Variants in SNTG2 observed in about 807,000 individuals in gnomAD.
The protein encoded by SNTG2 is gamma-2-syntrophin.
In SNTG2, 74 loss-of-function variants were observed where a neutral mutation model predicts 70.9. That is an observed-to-expected ratio of 1.04 (90% CI 0.86 to 1.27). SNTG2 has a LOEUF of 1.27. SNTG2 is among the 50% of genes most tolerant of loss of function. SNTG2 has a pLI of 0.00. For synonymous variants in SNTG2, 278 were observed against 273.8 expected (o/e 1.02, Z -0.15); for missense variants, 717 against 690.7 (o/e 1.04, Z -0.43).
At chr2:1,082,564 G>A (rs1399146509) in intron 1 of SNTG2, among the ~76,000 whole-genome samples, 1 of 152,214 alleles carries the variant, frequency 6.6e-6, no homozygotes, top group Non-Finnish European at 1.5e-5. Flanking sequence ...TGGAGTCTCA[G>A]CCCTCCTTGC....
At chr2:1,218,642 T>C (rs1674553879) in intron 9 of SNTG2, among the ~76,000 whole-genome samples, 1 of 152,190 alleles carries the variant, frequency 6.6e-6, no homozygotes, top group African/African-American at 2.4e-5. Flanking sequence ...CACAATCATT[T>C]TGCAAGTGAG....
At chr2:1,084,628 G>A (rs549826782) in intron 2 of SNTG2, among the ~76,000 whole-genome samples, 39 of 152,292 alleles carry the variant, frequency 2.6e-4, no homozygotes, top group Admixed American at 1.3e-3. Flanking sequence ...ATCTGTCTTC[G>A]TCTGTTTGAG....
intron 16 of SNTG2, among the ~76,000 whole-genome samples, chr2:1,350,842 G>T (rs1319084406): frequency 6.6e-6 from 1 of 152,052 alleles, no homozygotes; most frequent in East Asian, 1.9e-4. Flanking sequence ...GAAAGCAAAT[G>T]ATATTTTGAG....
chr2:1,339,873 C>T (rs950055438), intron 16 of SNTG2, among the ~76,000 whole-genome samples: 7 of 152,202 alleles, frequency 4.6e-5, no homozygotes, highest in Admixed American at 1.3e-4. Context: ...CCTATGCTAA[C>T]GACCAAATGA....
chr2:968,947 C>T (rs1471673432), intron 1 of SNTG2, among the ~76,000 whole-genome samples: 3 of 151,968 alleles, frequency 2.0e-5, no homozygotes, highest in Non-Finnish European at 4.4e-5. Context: ...CTTTGCCACT[C>T]CCTATGTCCA....
At chr2:1,273,336 A>G (rs1466707985) in intron 14 of SNTG2, among the ~76,000 whole-genome samples, 1 of 152,106 alleles carries the variant, frequency 6.6e-6, no homozygotes, top group Non-Finnish European at 1.5e-5. Flanking sequence ...CTTTTTGTTT[A>G]TAAAGACTCC....
intron 1 of SNTG2, among the ~76,000 whole-genome samples, chr2:971,311 T>TTA (rs398103957): frequency 6.6e-6 from 1 of 152,158 alleles, no homozygotes; most frequent in Non-Finnish European, 1.5e-5. Context: ...TTTGTTTTTT[T>TTA]ATCACTGATT....
At chr2:1,111,836 A>G (rs1052957674) in intron 4 of SNTG2, among the ~76,000 whole-genome samples, 17 of 147,598 alleles carry the variant, frequency 1.2e-4, no homozygotes, top group South Asian at 2.2e-4. Flanking sequence ...CTTTGAGAAG[A>G]ATCGTGTGTA....
chr2:1,360,360 C>A (rs1057245421), intron 16 of SNTG2, among the ~76,000 whole-genome samples: 1 of 152,196 alleles, frequency 6.6e-6, no homozygotes, highest in African/African-American at 2.4e-5. Flanking sequence ...TCTCTGCCCT[C>A]AGAGTGGAGG....
intron 8 of SNTG2, among the ~76,000 whole-genome samples, chr2:1,186,640 GA>G (rs1181837074): frequency 6.6e-6 from 1 of 152,136 alleles, no homozygotes; most frequent in Non-Finnish European, 1.5e-5. Flanking sequence ...GGAAGAGCAA[GA>G]AGGGGGAGGT....
chr2:1,093,151 A>G (rs993736626), intron 2 of SNTG2, among the ~76,000 whole-genome samples: 2 of 152,212 alleles, frequency 1.3e-5, no homozygotes, highest in Non-Finnish European at 2.9e-5. Flanking sequence ...GAGTCAGGCC[A>G]TAAATTAGAT....
chr2:1,340,635 A>G (rs1042136684), intron 16 of SNTG2, among the ~76,000 whole-genome samples: 1 of 152,254 alleles, frequency 6.6e-6, no homozygotes, highest in Non-Finnish European at 1.5e-5. Context: ...GTACAAAAAT[A>G]AAATGTTTGA....
chr2:1,354,283 A>G (rs1660732370), intron 16 of SNTG2, among the ~76,000 whole-genome samples: 1 of 84,164 alleles, frequency 1.2e-5, no homozygotes, highest in African/African-American at 4.3e-5. Context: ...CGGCTGCCTG[A>G]GTTCCCTGAG....
intron 9 of SNTG2, among the ~76,000 whole-genome samples, chr2:1,218,529 G>A (rs1022374956): frequency 2.6e-5 from 4 of 152,242 alleles, no homozygotes; most frequent in African/African-American, 9.6e-5. Context: ...GTTGGACAAA[G>A]CTGGATTTGA....
intron 11 of SNTG2, among the ~76,000 whole-genome samples, chr2:1,246,515 A>G (rs370611430): frequency 5.3e-5 from 8 of 152,186 alleles, no homozygotes; most frequent in African/African-American, 1.9e-4. Flanking sequence ...CTCAACTTTT[A>G]ATAGCTCATC....
intron 1 of SNTG2, among the ~76,000 whole-genome samples, chr2:1,061,083 A>T (rs1004348013): frequency 1.6e-5 from 2 of 123,516 alleles, no homozygotes; most frequent in African/African-American, 5.7e-5. Context: ...TAACTGACCC[A>T]TGTTTCCAAA....
At chr2:1,294,401 T>A (rs1381508575) in intron 14 of SNTG2, among the ~76,000 whole-genome samples, 1 of 152,252 alleles carries the variant, frequency 6.6e-6, no homozygotes, top group Non-Finnish European at 1.5e-5. Context: ...TTTTATGTGC[T>A]CAAATGTTTG....
At chr2:1,197,351 G>C (rs1290018436) in intron 8 of SNTG2, among the ~76,000 whole-genome samples, 6 of 150,264 alleles carry the variant, frequency 4.0e-5, no homozygotes, top group Non-Finnish European at 5.9e-5. Context: ...TAGACTTTAA[G>C]TCAAAAACAA....
intron 1 of SNTG2, among the ~76,000 whole-genome samples, chr2:954,511 G>A (rs754077327): frequency 1.2e-4 from 19 of 152,138 alleles, no homozygotes; most frequent in Non-Finnish European, 2.1e-4. Flanking sequence ...GCTGGTTACC[G>A]CATGTTGTCA....
Sources: allele counts gnomAD v4.1 joint callset (sites outside exome capture counted in the v4.1 genomes callset), GRCh38; gene constraint gnomAD v4.1.1; transcripts MANE v1.5; gene names NCBI Gene and HGNC (gene_info 2026-07-23, HGNC 2026-07-21).